ADAT2: variants seen among roughly 807,000 people sequenced by gnomAD.
The protein encoded by ADAT2 is tRNA-specific adenosine-34 deaminase catalytic subunit ADAT2.
A neutral mutation model predicts 25.9 loss-of-function variants in ADAT2; 26 were observed. That is an observed-to-expected ratio of 1.00 (90% CI 0.74 to 1.39). The LOEUF is 1.39. ADAT2 is among the 40% of genes most tolerant of loss of function. ADAT2 has a pLI of 0.00. For synonymous variants in ADAT2, 76 were observed against 86.8 expected (o/e 0.88, Z 0.69); for missense variants, 220 against 244.8 (o/e 0.90, Z 0.68).
In ADAT2 at chr6:143,444,907, G is replaced by A. The variant is rs761420910; in HGVS notation, c.96+5656C>T. 1 of 1,296,278 alleles carries A rather than the reference G, an allele frequency of 7.7e-7. No individual in the cohort carries two copies. Among genetic ancestry groups the A allele is most frequent in the Admixed American group, 2.3e-5 (1 of 42,920 alleles). 80.3% of individuals were successfully genotyped at this position (1,296,278 alleles called of 1,614,324 possible). ...GCTTTCTAGTGATGTCATGATAAAA[G>A]GGGGAGAGATGGAAACAGACCTTGT... On this transcript the variant is annotated intron_variant, in intron 1 of 5. Transcript: ENST00000237283. This position sits in a 1 kb window ranked among gnomAD's most constrained non-coding sequence, Gnocchi z 4.3.
At chr6:143,448,630 G>A (rs1001225860) in intron 1 of ADAT2, among the ~76,000 whole-genome samples, 4 of 152,098 alleles carry the variant, frequency 2.6e-5, no homozygotes, top group African/African-American at 9.7e-5. Context: ...AAAAAATTGT[G>A]TATCATTTTA....
intron 4 of ADAT2, among the ~76,000 whole-genome samples, chr6:143,429,635 GAC>G (rs1400097764): frequency 6.6e-6 from 1 of 152,140 alleles, no homozygotes; most frequent in African/African-American, 2.4e-5. Context: ...AGGAAAGAAA[GAC>G]AAAAAATTGG....
In ADAT2 at chr6:143,427,345, C is replaced by CA. The variant is rs1778967668; in HGVS notation, c.*1117dup. ...CTACTGAAGAAATGCAACTGAGGAG[C>CA]AGCAGCCCCTCCAGGGCCTGGAGCT... is the stretch of plus-strand genomic sequence containing the variant. On this transcript the variant is annotated 3_prime_UTR_variant, in exon 6 of 6. Coordinates refer to ENST00000237283, the MANE Select transcript of ADAT2 (RefSeq NM_182503.3). The CA allele has an allele frequency of 6.6e-6, 1 of 152,600 alleles. No individual in the cohort carries two copies. The highest frequency in any genetic ancestry group is 1.5e-5 in the Non-Finnish European group (1 of 68,066). 9.5% of individuals were successfully genotyped at this position (152,600 alleles called of 1,614,324 possible).
intron 1 of ADAT2, among the ~76,000 whole-genome samples, chr6:143,449,641 T>A (rs994488442): frequency 6.6e-6 from 1 of 152,194 alleles, no homozygotes; most frequent in South Asian, 2.1e-4. Flanking sequence ...CCGCTGTATA[T>A]GTGGTCCTAT....
In ADAT2 at chr6:143,433,889, AGT is replaced by A. The variant is rs751111264; in HGVS notation, c.292_293del (p.Thr98CysfsTer31). 2 of 1,614,080 alleles carry A rather than the reference AGT, an allele frequency of 1.2e-6. No homozygotes were observed. Among genetic ancestry groups the A allele is most frequent in the African/African-American group, 2.7e-5 (2 of 74,934 alleles). ...ACGGCTCCACAGTGACATACAACAC[AGT>A]GTGTTCAAATACTTCAGAGGGACTC... is the stretch of plus-strand genomic sequence containing the variant. ...GKSPSEVFEH[T>X]VLYVTVEPCI... is the part of the protein sequence containing the mutation. On this transcript the variant is annotated frameshift_variant, in exon 3 of 6. Transcript: ENST00000237283. LOFTEE classifies it high-confidence loss of function.
Position 143,450,573 on chromosome 6 carries a change from G to A in ADAT2, c.86C>T (p.Ala29Val), listed in dbSNP as rs1254349109. 2 of 1,614,022 alleles carry A rather than the reference G, an allele frequency of 1.2e-6. No individual in the cohort carries two copies. The highest frequency in any genetic ancestry group is 1.7e-6 in the Non-Finnish European group (2 of 1,180,000). ...AEETEKWMEE[A>V]MHMAKEALEN... ...TCCCGGGCTCCTCACCATGTGCATC[G>A]CCTCCTCCATCCACTTTTCGGTCTC... Residue 29 changes from alanine to valine, a missense_variant, in exon 1 of 6, where the codon GCG becomes GTG. Transcript: ENST00000237283.
chr6:143,438,309 C>T (rs905892953), intron 2 of ADAT2, among the ~76,000 whole-genome samples: 1 of 152,124 alleles, frequency 6.6e-6, no homozygotes, highest in Non-Finnish European at 1.5e-5. Flanking sequence ...GGGTTTCACT[C>T]AAGCATTAGA....
At chr6:143,445,776 C>A (rs1321348938) in intron 1 of ADAT2, among the ~76,000 whole-genome samples, 1 of 152,118 alleles carries the variant, frequency 6.6e-6, no homozygotes, top group Non-Finnish European at 1.5e-5. Context: ...AGCCTATGCA[C>A]CCAGCACAAG....
rs904138328 is a variant in ADAT2 at position 143,434,096 on chromosome 6, T to C, written c.202-115A>G. 3.0e-6 allele frequency: 4 copies of C among 1,318,946 alleles called. No homozygotes were observed. Among genetic ancestry groups the C allele is most frequent in the Non-Finnish European group, 4.2e-6 (4 of 952,990 alleles). The allele number at this position is 1,318,946 out of a possible 1,614,324, so 81.7% of individuals were successfully genotyped here. A position where few individuals can be genotyped will look rare whatever the true frequency, so the allele number is the denominator to read the frequency against. Reference sequence around the variant, plus strand: ...CCTATCCTTTCTGCCAATATTTTAATGAATACAGTTTCAAGACACCCTTAG... The same window carrying C: ...CCTATCCTTTCTGCCAATATTTTAACGAATACAGTTTCAAGACACCCTTAG... On this transcript the variant is annotated intron_variant, in intron 2 of 5. Transcript: ENST00000237283. This position sits in a 1 kb window ranked among gnomAD's most constrained non-coding sequence, Gnocchi z 4.5.
intron 3 of ADAT2, among the ~76,000 whole-genome samples, chr6:143,433,011 A>G (rs898763632): frequency 2.0e-5 from 3 of 152,162 alleles, no homozygotes; most frequent in Non-Finnish European, 2.9e-5. Flanking sequence ...ATAAAATATA[A>G]CCTGTGCCCT....
rs982960878 is a variant in ADAT2 at position 143,432,113 on chromosome 6, A to T, written c.459+392T>A. 6.6e-6 allele frequency among the ~76,000 whole-genome samples: 1 copy of T among 152,242 alleles called. No individual in the cohort carries two copies. Among genetic ancestry groups the T allele is most frequent in the Non-Finnish European group, 1.5e-5 (1 of 68,034 alleles). ...TGTACAAAAATATTGTGTGTGCTGT[A>T]AATAGTCTCTAGCGTCACTGACACA... On this transcript the variant is annotated intron_variant, in intron 4 of 5. Transcript: ENST00000237283. The surrounding 1 kb of genome is among the most constrained non-coding windows in gnomAD (Gnocchi z 4.4).
At chr6:143,433,792 G>T in intron 3 of ADAT2, 39 bp downstream of exon 3, 1 of 1,568,140 alleles carries the variant, frequency 6.4e-7, no homozygotes, top group South Asian at 1.2e-5. Context: ...TTGTTCACAC[G>T]AATGGTACGA....
chr6:143,443,827 T>A (rs1230211949), intron 1 of ADAT2, among the ~76,000 whole-genome samples: 3 of 147,702 alleles, frequency 2.0e-5, no homozygotes, highest in African/African-American at 7.6e-5. Flanking sequence ...TGAAACTCTG[T>A]CTTAAAAAAA....
rs190322157 is a variant in ADAT2, at chr6:143,423,483, A to G, written c.*4980T>C. ...ACTCCTGCTCTAGATTCTCAAGTTCATGCTTCAACATGTTAAAGAAAAATT... is the reference window on the plus strand; with the variant it reads ...ACTCCTGCTCTAGATTCTCAAGTTCGTGCTTCAACATGTTAAAGAAAAATT... On this transcript the variant is annotated 3_prime_UTR_variant, in exon 6 of 6. Coordinates refer to ENST00000237283, the MANE Select transcript of ADAT2 (RefSeq NM_182503.3). 6.6e-6 allele frequency: 1 copy of G among 152,344 alleles called. No individual in the cohort carries two copies. The highest frequency in any genetic ancestry group is 6.5e-5 in the Admixed American group (1 of 15,306). The allele number at this position is 152,344 out of a possible 1,614,324, so 9.4% of individuals were successfully genotyped here.
At position 143,427,748 on chromosome 6, in the gene ADAT2, TA is replaced by T. The variant is rs1778981522; in HGVS notation, c.*714del. 6.6e-6 allele frequency: 1 copy of T among 152,240 alleles called. No individual in the cohort carries two copies. Among genetic ancestry groups the T allele is most frequent in the African/African-American group, 2.4e-5 (1 of 41,460 alleles). 9.4% of individuals were successfully genotyped at this position (152,240 alleles called of 1,614,324 possible). A position where few individuals can be genotyped will look rare whatever the true frequency, so the allele number is the denominator to read the frequency against. On this transcript the variant is annotated 3_prime_UTR_variant, in exon 6 of 6. Coordinates refer to ENST00000237283, the MANE Select transcript of ADAT2 (RefSeq NM_182503.3). ...GAATATAAGCTCCATGAGGGTGGGATAATTTGGTTTTTTGCTCAATAACAAT... is the reference window on the plus strand; with the variant it reads ...GAATATAAGCTCCATGAGGGTGGGATATTTGGTTTTTTGCTCAATAACAAT...
At position 143,428,522 on chromosome 6, in the gene ADAT2, A is replaced by C; in HGVS notation, c.533-16T>G. ...GATTTTGGTGCTGTGAAAAGAATAG[A>C]AAAGAAAAAGAAAATGAAGAGGTAA... On this transcript the variant is annotated splice_polypyrimidine_tract_variant and intron_variant, in intron 5 of 5. Coordinates refer to ENST00000237283, the MANE Select transcript of ADAT2 (RefSeq NM_182503.3). This position sits in a 1 kb window ranked among gnomAD's most constrained non-coding sequence, Gnocchi z 5.0. 2 of 1,613,750 alleles carry C rather than the reference A, an allele frequency of 1.2e-6. No individual in the cohort carries two copies. The highest frequency in any genetic ancestry group is 1.7e-6 in the Non-Finnish European group (2 of 1,179,844).
rs902070787 is a variant in ADAT2, at chr6:143,437,040, TCTA to T, written c.201+1547_201+1549del. 6.6e-6 allele frequency among the ~76,000 whole-genome samples: 1 copy of T among 151,394 alleles called. No individual in the cohort carries two copies. Among genetic ancestry groups the T allele is most frequent in the African/African-American group, 2.4e-5 (1 of 41,354 alleles). On this transcript the variant is annotated intron_variant, in intron 2 of 5. Transcript: ENST00000237283. The surrounding 1 kb of genome is among the most constrained non-coding windows in gnomAD (Gnocchi z 4.1). ...TTTTCTTTCTAATTCTACACTTCGA[TCTA>T]CTATTTTTCATAAGCAAATTGATAA...
In ADAT2 at chr6:143,436,031, T is replaced by C. The variant is rs1779264813; in HGVS notation, c.202-2050A>G. Among the ~76,000 whole-genome samples the C allele has an allele frequency of 6.6e-6, 1 of 152,188 alleles. No individual in the cohort carries two copies. Among genetic ancestry groups the C allele is most frequent in the Non-Finnish European group, 1.5e-5 (1 of 68,032 alleles). On this transcript the variant is annotated intron_variant, in intron 2 of 5. Coordinates refer to ENST00000237283, the MANE Select transcript of ADAT2 (RefSeq NM_182503.3). The surrounding 1 kb of genome is among the most constrained non-coding windows in gnomAD (Gnocchi z 4.1). ...ACATTGTTTGAAATTATTGCACATGTGAGTTAAAATTAAAAGACTGTATAT... is the reference window on the plus strand; with the variant it reads ...ACATTGTTTGAAATTATTGCACATGCGAGTTAAAATTAAAAGACTGTATAT...
At position 143,440,830 on chromosome 6, in the gene ADAT2, A is replaced by C. The variant is rs974234275; in HGVS notation, c.97-2136T>G. Among the ~76,000 whole-genome samples the C allele has an allele frequency of 6.6e-6, 1 of 152,228 alleles. No homozygotes were observed. The highest frequency in any genetic ancestry group is 1.5e-5 in the Non-Finnish European group (1 of 68,034). ...TTATTTAAGGTAAGTGTAGAATTAC[A>C]CAGAGATCAAGGTACACAGAAGAGA... On this transcript the variant is annotated intron_variant, in intron 1 of 5. Coordinates refer to ENST00000237283, the MANE Select transcript of ADAT2 (RefSeq NM_182503.3). The surrounding 1 kb of genome is among the most constrained non-coding windows in gnomAD (Gnocchi z 4.5).
Sources: allele counts gnomAD v4.1 joint callset (sites outside exome capture counted in the v4.1 genomes callset), GRCh38; gene constraint gnomAD v4.1.1; non-coding constraint Gnocchi (gnomAD v3.1); transcripts MANE v1.5; gene names NCBI Gene and HGNC (gene_info 2026-07-23, HGNC 2026-07-21).